The following TLK2 variants were observed in gnomAD, a reference collection of about 807,000 sequenced individuals.
TLK2 encodes serine/threonine-protein kinase tousled-like 2.
A neutral mutation model predicts 117.3 loss-of-function variants in TLK2; 6 were observed. The observed-to-expected ratio is 0.05, with a 90% CI of 0.03 to 0.10. The LOEUF is 0.10. TLK2 is among the 10% of genes least tolerant of loss of function. The probability of loss-of-function intolerance (pLI) is 1.00; values close to 1 mark genes in which losing one functional copy is unlikely to be tolerated. For missense variants in TLK2, 299 were observed against 901.2 expected, an observed-to-expected ratio of 0.33 and a Z score of 8.56; for synonymous variants, 257 against 316.7, an observed-to-expected ratio of 0.81 and a Z score of 2.00.
intron 7 of TLK2, among the ~76,000 whole-genome samples, chr17:62,547,866 C>G (rs2078067304): frequency 6.6e-6 from 1 of 152,150 alleles, no homozygotes; most frequent in Non-Finnish European, 1.5e-5. Context: ...CCCGGGTAGG[C>G]TGATGATCAA....
intron 16 of TLK2, among the ~76,000 whole-genome samples, chr17:62,590,202 T>A (rs1041376189): frequency 6.9e-6 from 1 of 144,378 alleles, no homozygotes; most frequent in Admixed American, 7.0e-5. Context: ...GAGGCGGAGG[T>A]GGGTGGATTG....
intron 11 of TLK2, among the ~76,000 whole-genome samples, chr17:62,570,748 T>G (rs556582231): frequency 6.6e-6 from 1 of 152,306 alleles, no homozygotes; most frequent in Non-Finnish European, 1.5e-5. Flanking sequence ...GTGTCCCTTG[T>G]GTTATGGTTT....
intron 2 of TLK2, among the ~76,000 whole-genome samples, chr17:62,506,854 A>G (rs559218493): frequency 1.3e-5 from 2 of 152,166 alleles, no homozygotes; most frequent in Admixed American, 1.3e-4. Flanking sequence ...GCATATGGCT[A>G]GTGCTTCTCT....
chr17:62,514,408 T>A (rs565460322), intron 2 of TLK2, among the ~76,000 whole-genome samples: 20 of 151,994 alleles, frequency 1.3e-4, no homozygotes, highest in Non-Finnish European at 2.5e-4. Context: ...CTGCCCACAG[T>A]TCTGGGCTTA....
chr17:62,485,639 T>G (rs188191494), intron 2 of TLK2, among the ~76,000 whole-genome samples: 6 of 152,064 alleles, frequency 3.9e-5, no homozygotes, highest in Admixed American at 6.6e-5. Flanking sequence ...TTGGTTTTTG[T>G]TTAAAAGATT....
chr17:62,498,386 C>CT (rs1465243637), intron 2 of TLK2, among the ~76,000 whole-genome samples: 1 of 125,602 alleles, frequency 8.0e-6, no homozygotes, highest in Non-Finnish European at 1.8e-5. Flanking sequence ...CGTAGAAAGC[C>CT]CCCCTTTTTT....
At chr17:62,493,764 C>CA (rs2073358636) in intron 2 of TLK2, among the ~76,000 whole-genome samples, 1 of 147,152 alleles carries the variant, frequency 6.8e-6, no homozygotes, top group African/African-American at 2.5e-5. Context: ...ATAGGATAGT[C>CA]TTTTTTTTTT....
intron 20 of TLK2, 117 bp from the exon 21 acceptor site, chr17:62,607,924 C>A (rs1415828828): frequency 8.7e-6 from 7 of 800,456 alleles, no homozygotes; most frequent in Non-Finnish European, 1.4e-5. Flanking sequence ...CTCCAGAGTT[C>A]CTTGCAGCAA....
At chr17:62,523,254 C>G in intron 5 of TLK2, 77 bp downstream of exon 5, 1 of 1,538,956 alleles carries the variant, frequency 6.5e-7, no homozygotes, top group Non-Finnish European at 8.7e-7. Flanking sequence ...TTAAAAAACC[C>G]TAAATCCTTG....
chr17:62,547,719 AAAT>A (rs944073916), intron 7 of TLK2, among the ~76,000 whole-genome samples: 45 of 152,314 alleles, frequency 3.0e-4, no homozygotes, highest in Non-Finnish European at 5.9e-4. Flanking sequence ...TTAGAGTCAG[AAAT>A]AAGCATATTT....
intron 19 of TLK2, among the ~76,000 whole-genome samples, chr17:62,605,103 G>A (rs985863160): frequency 3.3e-5 from 5 of 151,890 alleles, no homozygotes; most frequent in Admixed American, 6.6e-5. Flanking sequence ...TGAGGCGGGC[G>A]GATCACGAGG....
rs1438180226 is a variant in TLK2, at chr17:62,578,720, T to A, written c.1286+146T>A. ...AGCTCTTTTGTAGCATCTAATACAATTTTGTGAACAAAATTATGATTTGCC... is the reference window on the plus strand; with the variant it reads ...AGCTCTTTTGTAGCATCTAATACAAATTTGTGAACAAAATTATGATTTGCC... On this transcript the variant is annotated intron_variant, in intron 14 of 21. Coordinates refer to ENST00000346027, the MANE Select transcript of TLK2 (RefSeq NM_006852.6). The A allele has an allele frequency of 5.0e-6, 3 of 594,972 alleles. No individual in the cohort carries two copies. The East Asian group carries it at 8.7e-5, about 17-fold the overall frequency. 36.9% of individuals were successfully genotyped at this position (594,972 alleles called of 1,614,324 possible). A position where few individuals can be genotyped will look rare whatever the true frequency, so the allele number is the denominator to read the frequency against.
At chr17:62,471,888 C>CTTTTGTTTTTTTTTTTTT (rs2070946988) in intron 1 of TLK2, among the ~76,000 whole-genome samples, 1 of 37,776 alleles carries the variant, frequency 2.6e-5, no homozygotes, top group Non-Finnish European at 4.4e-5. Context: ...GTAGTATAGT[C>CTTTTGTTTTTTTTTTTTT]TTTTTTTTTT....
intron 2 of TLK2, among the ~76,000 whole-genome samples, chr17:62,506,015 T>G (rs1238593988): frequency 1.3e-5 from 2 of 152,186 alleles, no homozygotes; most frequent in Non-Finnish European, 2.9e-5. Flanking sequence ...TCCAAGTCAG[T>G]GTCTATTTAA....
chr17:62,509,025 G>A (rs2074943417), intron 2 of TLK2, among the ~76,000 whole-genome samples: 1 of 152,052 alleles, frequency 6.6e-6, no homozygotes, highest in Non-Finnish European at 1.5e-5. Context: ...AAATTGAGGC[G>A]ATTATAAAAC....
intron 2 of TLK2, among the ~76,000 whole-genome samples, chr17:62,487,555 T>C (rs1253547161): frequency 2.7e-5 from 4 of 149,390 alleles, no homozygotes; most frequent in East Asian, 4.0e-4. Flanking sequence ...CAAGGAGATA[T>C]CTGTAAAAAT....
intron 2 of TLK2, chr17:62,508,621 A>G (rs1226018255): frequency 3.3e-6 from 3 of 916,258 alleles, no homozygotes; most frequent in East Asian, 1.2e-4. Context: ...GTCTCAATGA[A>G]TAAATAATTT....
chr17:62,611,343 G>T (rs767538709), intron 21 of TLK2, among the ~76,000 whole-genome samples: 2 of 152,114 alleles, frequency 1.3e-5, no homozygotes, highest in Non-Finnish European at 2.9e-5. Flanking sequence ...GATTGGCATT[G>T]TATTATTAAT....
intron 10 of TLK2, among the ~76,000 whole-genome samples, chr17:62,563,166 G>A (rs1454288554): frequency 6.6e-6 from 1 of 152,200 alleles, no homozygotes; most frequent in African/African-American, 2.4e-5. Flanking sequence ...ATGAATCTAA[G>A]AAACAAAAGA....
Sources: gnomAD v4.1 joint callset for allele counts (sites outside exome capture counted in the v4.1 genomes callset) on GRCh38, gnomAD v4.1.1 for gene constraint, MANE v1.5 for transcripts, NCBI Gene and HGNC (gene_info 2026-07-23, HGNC 2026-07-21) for gene names.